The following ASTN2 variants were observed in gnomAD, a reference collection of about 807,000 sequenced individuals.
The protein encoded by ASTN2 is astrotactin-2.
Under a neutral mutation model 139.8 loss-of-function variants are expected in ASTN2, and 54 were observed. The observed-to-expected ratio is 0.39, with a 90% confidence interval of 0.31 to 0.48. ASTN2 has a LOEUF of 0.48. Ranked by LOEUF, ASTN2 falls within the 20% of genes least tolerant of loss-of-function variation. The pLI is 0.95. For synonymous variants in ASTN2, 756 were observed against 719.5 expected (o/e 1.05, Z -0.81); for missense variants, 1,565 against 1,725.1 (o/e 0.91, Z 1.64).
intron 4 of ASTN2, among the ~76,000 whole-genome samples, chr9:117,102,357 G>A (rs1828999046): frequency 6.6e-6 from 1 of 152,178 alleles, no homozygotes; most frequent in African/African-American, 2.4e-5. Flanking sequence ...AAGTAGACTA[G>A]TGGTGGCTAG....
At chr9:116,989,836 G>T (rs957345692) in intron 7 of ASTN2, among the ~76,000 whole-genome samples, 20 of 151,926 alleles carry the variant, frequency 1.3e-4, no homozygotes, top group East Asian at 1.9e-4. Flanking sequence ...CGCCTGCCTC[G>T]GCCTCCCAAA....
At chr9:117,251,355 T>C (rs1833533895) in intron 2 of ASTN2, among the ~76,000 whole-genome samples, 1 of 152,056 alleles carries the variant, frequency 6.6e-6, no homozygotes, top group Non-Finnish European at 1.5e-5. Flanking sequence ...TCATTCTCTA[T>C]CCCATTACCC....
intron 3 of ASTN2, among the ~76,000 whole-genome samples, chr9:117,206,775 C>T (rs1831940163): frequency 6.6e-6 from 1 of 152,142 alleles, no homozygotes; most frequent in African/African-American, 2.4e-5. Context: ...GCCAGCCAAA[C>T]CACTGCTCAC....
intron 3 of ASTN2, among the ~76,000 whole-genome samples, chr9:117,193,959 GTGT>G (rs72363787): frequency 2.2e-4 from 34 of 151,558 alleles, no homozygotes; most frequent in Admixed American, 4.6e-4. Context: ...AGAGGGCAGG[GTGT>G]TGTTGTTGTT....
chr9:116,836,916 C>CA (rs1832015683), intron 11 of ASTN2, among the ~76,000 whole-genome samples: 1 of 151,370 alleles, frequency 6.6e-6, no homozygotes, highest in African/African-American at 2.4e-5. Flanking sequence ...GAACATGAGA[C>CA]AAAAAAAGAC....
At chr9:117,042,675 CT>C (rs1427944962) in intron 5 of ASTN2, among the ~76,000 whole-genome samples, 1 of 151,802 alleles carries the variant, frequency 6.6e-6, no homozygotes, top group African/African-American at 2.4e-5. Flanking sequence ...TAGTATAAAT[CT>C]TTTAGCAACT....
At chr9:117,024,559 T>C (rs1353196084) in intron 6 of ASTN2, among the ~76,000 whole-genome samples, 1 of 152,002 alleles carries the variant, frequency 6.6e-6, no homozygotes, top group African/African-American at 2.4e-5. Flanking sequence ...TATGGTTCAA[T>C]TGAGAGATGA....
At chr9:117,182,076 C>T (rs984126076) in intron 3 of ASTN2, among the ~76,000 whole-genome samples, 5 of 152,088 alleles carry the variant, frequency 3.3e-5, no homozygotes, top group African/African-American at 1.2e-4. Flanking sequence ...GGCTGCTGTT[C>T]CCCCCGATTA....
chr9:116,444,789 C>T (rs1410164791), intron 20 of ASTN2, among the ~76,000 whole-genome samples: 1 of 152,160 alleles, frequency 6.6e-6, no homozygotes, highest in Non-Finnish European at 1.5e-5. Flanking sequence ...GCTCACTGCA[C>T]CTCTCTGCAC....
chr9:116,454,805 C>T (rs1044643472), intron 20 of ASTN2, among the ~76,000 whole-genome samples: 4 of 152,116 alleles, frequency 2.6e-5, no homozygotes, highest in African/African-American at 9.7e-5. Context: ...AACCAAGCAT[C>T]GCATGTTCTC....
At chr9:117,351,124 G>C (rs183355617) in intron 1 of ASTN2, among the ~76,000 whole-genome samples, 75 of 152,242 alleles carry the variant, frequency 4.9e-4, no homozygotes, top group African/African-American at 1.8e-3. Context: ...GGGCAACTGG[G>C]AGCAACTGAG....
Position 117,026,119 on chromosome 9 carries a change from T to A in ASTN2, c.1423+13700A>T, listed in dbSNP as rs560275314. Among the ~76,000 whole-genome samples, 69 of 152,006 alleles carry A rather than the reference T, an allele frequency of 4.5e-4. 1 individual carries two copies. Among genetic ancestry groups the A allele is most frequent in the Admixed American group, 1.3e-3 (20 of 15,254 alleles). On this transcript the variant is annotated intron_variant, in intron 6 of 22. Coordinates refer to ENST00000313400, the MANE Select transcript of ASTN2 (RefSeq NM_001365068.1). ...TTTTTTCTTTTCTTTCTTTTTTTTT[T>A]AAATCTAAATATGTAGCCAAGAAGT...
intron 1 of ASTN2, among the ~76,000 whole-genome samples, chr9:117,342,015 T>C (rs1829076458): frequency 6.6e-6 from 1 of 152,214 alleles, no homozygotes; most frequent in East Asian, 1.9e-4. Context: ...ATAGCTATGG[T>C]TATTCTCTTC....
chr9:116,608,816 T>C (rs536754445), intron 19 of ASTN2, among the ~76,000 whole-genome samples: 1 of 152,184 alleles, frequency 6.6e-6, no homozygotes, highest in Admixed American at 6.5e-5. Flanking sequence ...CCAGAACTGA[T>C]CCAGTTGTCA....
At chr9:117,144,669 T>G (rs1047704383) in intron 3 of ASTN2, among the ~76,000 whole-genome samples, 6 of 19,246 alleles carry the variant, frequency 3.1e-4, no homozygotes, top group African/African-American at 4.9e-4. Flanking sequence ...AGTTTTTTTT[T>G]TTTTTTTTTT....
At chr9:116,788,397 T>A (rs991508094) in intron 13 of ASTN2, among the ~76,000 whole-genome samples, 2 of 152,190 alleles carry the variant, frequency 1.3e-5, no homozygotes, top group Non-Finnish European at 2.9e-5. Context: ...CATTCCACAG[T>A]GAGCACATAT....
chr9:117,180,810 A>G lies in ASTN2; in HGVS notation c.1015+33548T>C. 6 of 1,544,972 alleles carry G rather than the reference A, an allele frequency of 3.9e-6. No individual in the cohort carries two copies. The South Asian group carries it at 5.6e-5, about 14-fold the overall frequency. On this transcript the variant is annotated intron_variant, in intron 3 of 22. Transcript: ENST00000313400. ...TCTCAGCCACCATGTCTTCAAATTC[A>G]TCAACATTGAACTTGGTGAAGCCCC...
chr9:117,202,681 T>A (rs975463265), intron 3 of ASTN2, among the ~76,000 whole-genome samples: 1 of 152,194 alleles, frequency 6.6e-6, no homozygotes, highest in African/African-American at 2.4e-5. Flanking sequence ...TTCTGGCTTG[T>A]AGAGTTTCTG....
chr9:116,631,089 TCTTAC>T (rs1413739619), intron 17 of ASTN2, among the ~76,000 whole-genome samples: 1 of 152,160 alleles, frequency 6.6e-6, no homozygotes, highest in Non-Finnish European at 1.5e-5. Flanking sequence ...AGAGGGGAAC[TCTTAC>T]ACACTGTTGG....
Sources: gnomAD v4.1 joint callset for allele counts (sites outside exome capture counted in the v4.1 genomes callset) on GRCh38, gnomAD v4.1.1 for gene constraint, MANE v1.5 for transcripts, NCBI Gene and HGNC (gene_info 2026-07-23, HGNC 2026-07-21) for gene names.